The following LUZP2 variants were observed in gnomAD, a reference collection of about 807,000 sequenced individuals.
LUZP2 encodes leucine zipper protein 2.
In LUZP2, 52 loss-of-function variants were observed where a neutral mutation model predicts 51.6. That is an observed-to-expected ratio of 1.01 (90% CI 0.81 to 1.27). The LOEUF is 1.27. LUZP2 is among the 50% of genes most tolerant of loss of function. The pLI is 0.00. For synonymous variants in LUZP2, 154 were observed against 137.3 expected (o/e 1.12, Z -0.85); for missense variants, 436 against 395.4 (o/e 1.10, Z -0.87).
chr11:24,665,250 T>C (rs1856175088), intron 1 of LUZP2, among the ~76,000 whole-genome samples: 1 of 152,168 alleles, frequency 6.6e-6, no homozygotes, highest in Admixed American at 6.5e-5. Flanking sequence ...CCCCTTTGTT[T>C]TGGCCAATTT....
At chr11:24,719,614 C>T (rs953145797) in intron 1 of LUZP2, among the ~76,000 whole-genome samples, 14 of 152,220 alleles carry the variant, frequency 9.2e-5, no homozygotes, top group African/African-American at 1.9e-4. Context: ...CAAATATGCC[C>T]GTAACTATTC....
chr11:25,024,309 A>G (rs940079050), intron 9 of LUZP2, among the ~76,000 whole-genome samples: 5 of 152,076 alleles, frequency 3.3e-5, no homozygotes. Flanking sequence ...CAATCAGGCA[A>G]GAGAAAGCAA....
intron 9 of LUZP2, among the ~76,000 whole-genome samples, chr11:25,029,090 G>A (rs922242689): frequency 6.6e-6 from 1 of 152,178 alleles, no homozygotes; most frequent in Non-Finnish European, 1.5e-5. Flanking sequence ...GGGAAGGGTA[G>A]TGGGGACCTG....
chr11:24,663,363 G>C (rs543908249), intron 1 of LUZP2, among the ~76,000 whole-genome samples: 1 of 152,034 alleles, frequency 6.6e-6, no homozygotes, highest in East Asian at 1.9e-4. Flanking sequence ...CTTCCCTTTT[G>C]CCTTCCACCA....
At chr11:24,896,922 G>A (rs1234113125) in intron 5 of LUZP2, among the ~76,000 whole-genome samples, 4 of 152,150 alleles carry the variant, frequency 2.6e-5, no homozygotes, top group Non-Finnish European at 4.4e-5. Flanking sequence ...TCTCGCTAAA[G>A]GATTGTAAAT....
intron 1 of LUZP2, among the ~76,000 whole-genome samples, chr11:24,526,199 G>C (rs1377647217): frequency 6.6e-6 from 1 of 150,678 alleles, no homozygotes; most frequent in African/African-American, 2.4e-5. Context: ...ACTATCTGCA[G>C]GGCTCCAAAG....
At chr11:24,640,875 T>C (rs1855254148) in intron 1 of LUZP2, among the ~76,000 whole-genome samples, 1 of 151,654 alleles carries the variant, frequency 6.6e-6, no homozygotes, top group Non-Finnish European at 1.5e-5. Flanking sequence ...CTTTTTTATA[T>C]GAAAGTGTAC....
At chr11:24,985,949 C>T (rs1856176585) in intron 9 of LUZP2, among the ~76,000 whole-genome samples, 1 of 151,678 alleles carries the variant, frequency 6.6e-6, no homozygotes, top group Admixed American at 6.6e-5. Context: ...AGTCACTAGA[C>T]ATGAGAAGTA....
rs1305084341 is a variant in LUZP2 at position 24,958,373 on chromosome 11, T to C, written c.523-18218T>C. ...AACTAGTTGACAGTCCCACCAACAG[T>C]GTAAAAGTGTTCCTATTTCTCCACA... On this transcript the variant is annotated intron_variant, in intron 7 of 11. Coordinates refer to ENST00000336930, the MANE Select transcript of LUZP2 (RefSeq NM_001009909.4). 7.2e-5 allele frequency among the ~76,000 whole-genome samples: 11 copies of C among 152,204 alleles called. 1 individual carries two copies. In the South Asian group the frequency reaches 1.2e-3, roughly 17 times the overall value.
At chr11:24,716,398 GAC>G (rs1858044164) in intron 1 of LUZP2, among the ~76,000 whole-genome samples, 1 of 152,160 alleles carries the variant, frequency 6.6e-6, no homozygotes, top group African/African-American at 2.4e-5. Context: ...AACATTGAAA[GAC>G]TATTCCATGA....
intron 10 of LUZP2, among the ~76,000 whole-genome samples, chr11:25,068,333 G>GGTAC (rs1281556848): frequency 6.6e-6 from 1 of 151,726 alleles, no homozygotes; most frequent in African/African-American, 2.4e-5. Context: ...AAAATAAAAA[G>GGTAC]GTACTTTTAT....
intron 1 of LUZP2, among the ~76,000 whole-genome samples, chr11:24,727,863 A>G (rs1040950088): frequency 4.6e-5 from 7 of 151,932 alleles, no homozygotes; most frequent in Non-Finnish European, 8.8e-5. Context: ...AAAGAAAAAA[A>G]TTGTAATAGA....
In LUZP2 at chr11:25,018,156, T is replaced by A. The variant is rs561669895; in HGVS notation, c.766-31882T>A. Among the ~76,000 whole-genome samples, 3 of 152,220 alleles carry A rather than the reference T, an allele frequency of 2.0e-5. No individual in the cohort carries two copies. The East Asian group carries it at 5.8e-4, about 29-fold the overall frequency. ...GGCATTGCTACTGATTTGTGTACAT[T>A]GATACTTGAGACTTCTCTGAATTCA... On this transcript the variant is annotated intron_variant, in intron 9 of 11. Coordinates refer to ENST00000336930, the MANE Select transcript of LUZP2 (RefSeq NM_001009909.4).
chr11:25,065,945 A>G (rs1191072690), intron 10 of LUZP2, among the ~76,000 whole-genome samples: 1 of 151,968 alleles, frequency 6.6e-6, no homozygotes, highest in Non-Finnish European at 1.5e-5. Context: ...CCAACCTTCT[A>G]ATTTCATCCA....
intron 1 of LUZP2, among the ~76,000 whole-genome samples, chr11:24,615,829 T>A (rs913074908): frequency 2.2e-4 from 33 of 150,678 alleles, no homozygotes; most frequent in African/African-American, 7.5e-4. Flanking sequence ...GTCTCATATA[T>A]ATATATTATA....
At chr11:24,842,957 C>T (rs1851083521) in intron 5 of LUZP2, among the ~76,000 whole-genome samples, 1 of 151,402 alleles carries the variant, frequency 6.6e-6, no homozygotes, top group Non-Finnish European at 1.5e-5. Context: ...GGAGTATAAG[C>T]ATCAATAAAT....
chr11:24,632,173 C>T (rs561798339), intron 1 of LUZP2, among the ~76,000 whole-genome samples: 1 of 152,080 alleles, frequency 6.6e-6, no homozygotes, highest in African/African-American at 2.4e-5. Context: ...CATTTCACTA[C>T]TGAATTTTTA....
chr11:25,024,388 T>C (rs1857423957), intron 9 of LUZP2, among the ~76,000 whole-genome samples: 1 of 151,392 alleles, frequency 6.6e-6, no homozygotes, highest in Admixed American at 6.6e-5. Context: ...GATTGTATAT[T>C]TAGAAAACCC....
intron 1 of LUZP2, among the ~76,000 whole-genome samples, chr11:24,690,588 T>A (rs775437153): frequency 3.1e-4 from 47 of 152,138 alleles, no homozygotes; most frequent in Non-Finnish European, 5.9e-4. Flanking sequence ...CAAAGTTGCT[T>A]CCTTTTGTGT....
Sources: allele counts gnomAD v4.1 joint callset (sites outside exome capture counted in the v4.1 genomes callset), GRCh38; gene constraint gnomAD v4.1.1; transcripts MANE v1.5; gene names NCBI Gene and HGNC (gene_info 2026-07-23, HGNC 2026-07-21).